SLC43A2: variants seen among roughly 807,000 people sequenced by gnomAD.
SLC43A2 encodes solute carrier family 43 member 2, also known as large neutral amino acids transporter small subunit 4.
Under a neutral mutation model 63.2 loss-of-function variants are expected in SLC43A2, and 38 were observed. The observed-to-expected ratio is 0.60, with a 90% CI of 0.46 to 0.79. The LOEUF is 0.79. Among genes scored for constraint, SLC43A2 ranks in the 30% least tolerant of loss-of-function variants. The probability of loss-of-function intolerance (pLI) is 0.00; values close to 1 mark genes in which losing one functional copy is unlikely to be tolerated. For synonymous variants in SLC43A2, 322 were observed against 331.0 expected, an observed-to-expected ratio of 0.97 and a Z score of 0.30; for missense variants, 644 against 756.2, an observed-to-expected ratio of 0.85 and a Z score of 1.74.
At chr17:1,611,673 C>T (rs1376628525) in intron 5 of SLC43A2, among the ~76,000 whole-genome samples, 1 of 151,716 alleles carries the variant, frequency 6.6e-6, no homozygotes, top group Admixed American at 6.6e-5. Context: ...TCCAGAAGCC[C>T]CCAGAGCTCC....
intron 5 of SLC43A2, among the ~76,000 whole-genome samples, chr17:1,607,506 A>AG (rs1426593670): frequency 6.6e-6 from 1 of 152,122 alleles, no homozygotes; most frequent in African/African-American, 2.4e-5. Context: ...CAGAGGCCTC[A>AG]GGGGGCAGGG....
chr17:1,594,117 G>A (rs912730716), intron 5 of SLC43A2, among the ~76,000 whole-genome samples: 4 of 151,970 alleles, frequency 2.6e-5, no homozygotes, highest in Admixed American at 1.3e-4. Context: ...GAGCCACCGC[G>A]CCCGGCCTCC....
Position 1,573,632 on chromosome 17 carries a change from CTT to C in SLC43A2, c.*1970_*1971del, listed in dbSNP as rs35348910. 1 of 146,662 alleles carries C rather than the reference CTT, an allele frequency of 6.8e-6. No individual in the cohort carries two copies. Among genetic ancestry groups the C allele is most frequent in the East Asian group, 2.0e-4 (1 of 5,056 alleles). The allele number at this position is 146,662 out of a possible 1,614,324, so 9.1% of individuals were successfully genotyped here. A position where few individuals can be genotyped will look rare whatever the true frequency, so the allele number is the denominator to read the frequency against. ...TTTATCTCGTTCTCTTTTTTTTTTTCTTTTTGAGACGGAGCCTCGCTCTGTTG... is the reference window on the plus strand; with the variant it reads ...TTTATCTCGTTCTCTTTTTTTTTTTCTTTGAGACGGAGCCTCGCTCTGTTG... On this transcript the variant is annotated 3_prime_UTR_variant, in exon 14 of 14. Coordinates refer to ENST00000301335, the MANE Select transcript of SLC43A2 (RefSeq NM_152346.3).
rs1175799068 is a variant in SLC43A2 at position 1,591,619 on chromosome 17, G to A, written c.675C>T (p.Cys225=). ...AGGGCTCAAGGGGCCAGTTAAAGAAGCAGTTGAGGAAAACCAGCCCGGAGC... is the reference window on the plus strand; with the variant it reads ...AGGGCTCAAGGGGCCAGTTAAAGAAACAGTTGAGGAAAACCAGCCCGGAGC... The part of the protein sequence containing the change: ...AGCSGLVFLN[C]FFNWPLEPFP... Residue 225 remains cysteine (C), a synonymous_variant, in exon 7 of 14, where the codon TGC becomes TGT. Transcript: ENST00000301335. 1.9e-6 allele frequency: 3 copies of A among 1,549,594 alleles called. No homozygotes were observed. Among genetic ancestry groups the A allele is most frequent in the African/African-American group, 2.7e-5 (2 of 73,016 alleles).
At chr17:1,626,170 TGC>T (rs1491099214) in intron 2 of SLC43A2, among the ~76,000 whole-genome samples, 13 of 128,084 alleles carry the variant, frequency 1.0e-4, no homozygotes, top group Non-Finnish European at 6.7e-5. Context: ...ACTTTTTTTC[TGC>T]TTTTTTTTTT....
Position 1,591,324 on chromosome 17 carries a change from G to C in SLC43A2, c.876C>G (p.His292Gln). Residue 292 changes from histidine to glutamine, a missense_variant, in exon 8 of 14, where the codon CAC (histidine) becomes CAG (glutamine). By Grantham distance (24) the His-to-Gln change is conservative. Coordinates refer to ENST00000301335, the MANE Select transcript of SLC43A2 (RefSeq NM_152346.3). ...AKEQVALQEG[H>Q]KLCLSTVDLE... ...GGTCGACGGTGGACAGGCACAGCTT[G>C]TGGCCCTCCTGCAGCGCCACCTGCT... 1 of 1,609,006 alleles carries C rather than the reference G, an allele frequency of 6.2e-7. No homozygotes were observed. The highest frequency in any genetic ancestry group is 8.5e-7 in the Non-Finnish European group (1 of 1,179,942).
At chr17:1,594,692 A>C (rs1381045060) in intron 5 of SLC43A2, among the ~76,000 whole-genome samples, 1 of 144,622 alleles carries the variant, frequency 6.9e-6, no homozygotes, top group Non-Finnish European at 1.5e-5. Flanking sequence ...GGTTCACGCC[A>C]TTCTCCTGCC....
chr17:1,627,771 G>T lies in SLC43A2; in HGVS notation c.104C>A (p.Ser35Ter). 6.3e-7 allele frequency: 1 copy of T among 1,598,020 alleles called. No homozygotes were observed. The highest frequency in any genetic ancestry group is 8.5e-7 in the Non-Finnish European group (1 of 1,172,686). Residue 35 changes from serine to a stop codon, truncating the protein, a stop_gained, in exon 2 of 14, where the codon TCG becomes TAG. Coordinates refer to ENST00000301335, the MANE Select transcript of SLC43A2 (RefSeq NM_152346.3). LOFTEE classifies it high-confidence loss of function. ...CTCTGACTTGAGCATGATGAGCAGC[G>T]AGCCCCAGCCCAGGAGGACTGCCGA... The part of the protein sequence containing the change: ...LFSAVLLGWG[S>*]LLIMLKSEGF...
intron 5 of SLC43A2, among the ~76,000 whole-genome samples, chr17:1,609,976 C>T (rs1054975338): frequency 6.6e-6 from 1 of 151,670 alleles, no homozygotes; most frequent in Admixed American, 6.6e-5. Flanking sequence ...ATGCCGCGGT[C>T]TCGGCTCACT....
intron 11 of SLC43A2, among the ~76,000 whole-genome samples, chr17:1,582,838 G>T (rs2076040525): frequency 6.6e-6 from 1 of 152,204 alleles, no homozygotes. Context: ...CAGCACTTTG[G>T]GAGGCCAAGG....
In SLC43A2 at chr17:1,574,860, T is replaced by C. The variant is rs2075897100; in HGVS notation, c.*744A>G. 1 of 152,810 alleles carries C rather than the reference T, an allele frequency of 6.5e-6. No homozygotes were observed. Among genetic ancestry groups the C allele is most frequent in the Non-Finnish European group, 1.5e-5 (1 of 68,388 alleles). The allele number at this position is 152,810 out of a possible 1,614,324, so 9.5% of individuals were successfully genotyped here. A position where few individuals can be genotyped will look rare whatever the true frequency, so the allele number is the denominator to read the frequency against. The stretch of plus-strand genomic sequence containing the variant: ...ACCTCCACAAAAGCAGCTGTGTGTA[T>C]GTACGGGGTGCCCTGGCGGCGGTCC... On this transcript the variant is annotated 3_prime_UTR_variant, in exon 14 of 14. Coordinates refer to ENST00000301335, the MANE Select transcript of SLC43A2 (RefSeq NM_152346.3).
intron 5 of SLC43A2, among the ~76,000 whole-genome samples, chr17:1,611,134 G>A (rs190707240): frequency 1.1e-4 from 17 of 150,130 alleles, no homozygotes; most frequent in African/African-American, 2.9e-4. Flanking sequence ...GTGAGCCACC[G>A]CACCCGGCCT....
chr17:1,574,962 G>T lies in SLC43A2; in HGVS notation c.*642C>A, dbSNP rs928178608. The T allele has an allele frequency of 1.9e-5, 3 of 153,876 alleles. No individual in the cohort carries two copies. The highest frequency in any genetic ancestry group is 7.2e-5 in the African/African-American group (3 of 41,476). 9.5% of individuals were successfully genotyped at this position (153,876 alleles called of 1,614,324 possible). On this transcript the variant is annotated 3_prime_UTR_variant, in exon 14 of 14. Coordinates refer to ENST00000301335, the MANE Select transcript of SLC43A2 (RefSeq NM_152346.3). The stretch of plus-strand genomic sequence containing the variant: ...CCGCGGCATTGGCCCTCGGGGAGGA[G>T]GCGAGGGGTCCACCCAGCCCGCTAA...
intron 5 of SLC43A2, among the ~76,000 whole-genome samples, chr17:1,600,100 C>CTTTTTT (rs200335951): frequency 9.0e-5 from 8 of 88,964 alleles, no homozygotes; most frequent in African/African-American, 3.4e-4. Context: ...GTTAATCTTT[C>CTTTTTT]TTTTTTTTTT....
In SLC43A2 at chr17:1,613,187, G is replaced by A. The variant is rs181012585; in HGVS notation, c.501+8C>T. 202 of 1,609,974 alleles carry A rather than the reference G, an allele frequency of 1.3e-4. 2 individuals are homozygous for A. In the African/African-American group the frequency reaches 1.3e-3, roughly 11 times the overall value. ...TGAACTACAGAGCTTTAAAAAATCT[G>A]TACTCACTGTTAATGAGGTGAAGGT... On this transcript the variant is annotated splice_region_variant and intron_variant, in intron 5 of 13. Coordinates refer to ENST00000301335, the MANE Select transcript of SLC43A2 (RefSeq NM_152346.3).
intron 5 of SLC43A2, among the ~76,000 whole-genome samples, chr17:1,601,850 T>C (rs1267095574): frequency 8.5e-6 from 1 of 118,224 alleles, no homozygotes; most frequent in African/African-American, 3.4e-5. Flanking sequence ...CCAGAGTCCT[T>C]CTGCACCGCC....
chr17:1,586,928 T>TGGGCCCCCCCCCCCCCCGCCCCCC, intron 9 of SLC43A2: 1 of 1,232,916 alleles, frequency 8.1e-7, no homozygotes, highest in Non-Finnish European at 1.1e-6. Context: ...TCCCTGACAA[T>TGGGCCCCCCCCCCCCCCGCCCCCC]CCCCCCCACC....
At chr17:1,584,774 A>C (rs942277398) in intron 10 of SLC43A2, among the ~76,000 whole-genome samples, 3 of 151,666 alleles carry the variant, frequency 2.0e-5, no homozygotes, top group East Asian at 1.9e-4. Context: ...GAGCCGAGAT[A>C]GAGCCACTGC....
At chr17:1,581,221 C>CACACACACACACAT (rs1491572456) in intron 11 of SLC43A2, among the ~76,000 whole-genome samples, 25 of 152,024 alleles carry the variant, frequency 1.6e-4, no homozygotes, top group Non-Finnish European at 1.0e-4. Flanking sequence ...CACACACACA[C>CACACACACACACAT]GCACGCTGTG....
Sources: gnomAD v4.1 joint callset for allele counts (sites outside exome capture counted in the v4.1 genomes callset) on GRCh38, gnomAD v4.1.1 for gene constraint, MANE v1.5 for transcripts, NCBI Gene and HGNC (gene_info 2026-07-23, HGNC 2026-07-21) for gene names.